The following GPT2 variants were observed in gnomAD, a reference collection of about 807,000 sequenced individuals.
GPT2 encodes the protein alanine aminotransferase 2.
A neutral mutation model predicts 56.9 loss-of-function variants in GPT2; 30 were observed. That is an observed-to-expected ratio of 0.53 (90% CI 0.39 to 0.72). The LOEUF is 0.72. GPT2 is among the 30% of genes least tolerant of loss of function. The pLI, the probability that GPT2 is intolerant of heterozygous loss-of-function variation, is 0.00. For synonymous variants in GPT2, 271 were observed against 283.1 expected, an observed-to-expected ratio of 0.96 and a Z score of 0.43; for missense variants, 542 against 703.4, an observed-to-expected ratio of 0.77 and a Z score of 2.60.
intron 2 of GPT2, among the ~76,000 whole-genome samples, chr16:46,887,774 G>A (rs1960512652): frequency 6.6e-6 from 1 of 152,144 alleles, no homozygotes; most frequent in African/African-American, 2.4e-5. Flanking sequence ...ATGTGGCTCT[G>A]GTGTTTGACT....
At chr16:46,906,597 T>A (rs1304769510) in intron 4 of GPT2, among the ~76,000 whole-genome samples, 1 of 151,478 alleles carries the variant, frequency 6.6e-6, no homozygotes, top group Non-Finnish European at 1.5e-5. Context: ...ACTGGGTGAG[T>A]GAGTGGATGA....
At chr16:46,900,041 A>C (rs1960786355) in intron 3 of GPT2, among the ~76,000 whole-genome samples, 1 of 152,210 alleles carries the variant, frequency 6.6e-6, no homozygotes, top group Non-Finnish European at 1.5e-5. Context: ...CTGGTGTCAG[A>C]GCCACAAGTC....
chr16:46,911,515 A>G (rs530875117), intron 6 of GPT2, among the ~76,000 whole-genome samples: 1 of 152,340 alleles, frequency 6.6e-6, no homozygotes, highest in South Asian at 2.1e-4. Flanking sequence ...CAGTAGGAAA[A>G]TAACATAGAG....
chr16:46,922,423 C>A lies in GPT2; in HGVS notation c.1212+7C>A, dbSNP rs762111947. On this transcript the variant is annotated splice_region_variant and intron_variant, in intron 9 of 11. Transcript: ENST00000340124. ...CTTTGAGCAATTCAGCCGAGTGAGTCCACTGTGATGCGTCTGCACCCCTGT... is the reference window on the plus strand; with the variant it reads ...CTTTGAGCAATTCAGCCGAGTGAGTACACTGTGATGCGTCTGCACCCCTGT... 1.2e-6 allele frequency: 2 copies of A among 1,603,644 alleles called. No individual in the cohort carries two copies. Among genetic ancestry groups the A allele is most frequent in the East Asian group, 2.2e-5 (1 of 44,618 alleles).
At chr16:46,919,123 T>G (rs983225996) in intron 8 of GPT2, among the ~76,000 whole-genome samples, 13 of 152,336 alleles carry the variant, frequency 8.5e-5, no homozygotes, top group Non-Finnish European at 1.9e-4. Context: ...GGCTGTGCTC[T>G]GGGTGCAGGG....
At chr16:46,907,517 C>G (rs370510485) in intron 5 of GPT2, among the ~76,000 whole-genome samples, 1 of 152,210 alleles carries the variant, frequency 6.6e-6, no homozygotes, top group African/African-American at 2.4e-5. Context: ...GAGGGACACA[C>G]AGGAGTGAAC....
At chr16:46,886,856 C>G (rs975109524) in intron 2 of GPT2, among the ~76,000 whole-genome samples, 1 of 152,138 alleles carries the variant, frequency 6.6e-6, no homozygotes, top group Admixed American at 6.6e-5. Flanking sequence ...GCTCCACACC[C>G]CCATATCCTA....
At chr16:46,902,476 C>T (rs938821804) in intron 4 of GPT2, among the ~76,000 whole-genome samples, 19 of 152,272 alleles carry the variant, frequency 1.2e-4, no homozygotes, top group South Asian at 4.1e-4. Context: ...ATAGTGGTGT[C>T]GCTCTCTGTC....
At chr16:46,904,169 C>T (rs1156942318) in intron 4 of GPT2, among the ~76,000 whole-genome samples, 3 of 152,176 alleles carry the variant, frequency 2.0e-5, no homozygotes, top group African/African-American at 7.2e-5. Flanking sequence ...GAGAAATGCA[C>T]AGAAGAAACG....
intron 6 of GPT2, 124 bp downstream of exon 6, chr16:46,910,051 T>C: frequency 7.6e-7 from 1 of 1,322,240 alleles, no homozygotes; most frequent in Non-Finnish European, 1.0e-6. Flanking sequence ...CCAGATTTGC[T>C]AACCTAAAGC....
At chr16:46,888,962 G>C (rs1960534088) in intron 2 of GPT2, among the ~76,000 whole-genome samples, 1 of 151,974 alleles carries the variant, frequency 6.6e-6, no homozygotes, top group Non-Finnish European at 1.5e-5. Flanking sequence ...TTTTTCCTTT[G>C]TAATTATTAT....
At chr16:46,885,224 C>T in intron 2 of GPT2, 2 of 1,225,094 alleles carry the variant, frequency 1.6e-6, no homozygotes, top group Non-Finnish European at 2.0e-6. Flanking sequence ...AGGCACCGCA[C>T]GTTGTGTGTC....
intron 2 of GPT2, among the ~76,000 whole-genome samples, chr16:46,896,167 C>T (rs1394715205): frequency 6.6e-6 from 1 of 152,210 alleles, no homozygotes; most frequent in East Asian, 1.9e-4. Flanking sequence ...GTAATCCTTT[C>T]AGCTGCCCTG....
chr16:46,908,994 G>C (rs751320180), intron 5 of GPT2, among the ~76,000 whole-genome samples: 2 of 152,122 alleles, frequency 1.3e-5, no homozygotes, highest in Admixed American at 6.5e-5. Context: ...CCATGGCCTG[G>C]TTTCTCAGAA....
rs942401962 is a variant in GPT2, at chr16:46,909,615, C to A, written c.577-69C>A. 4 of 1,561,660 alleles carry A rather than the reference C, an allele frequency of 2.6e-6. No individual in the cohort carries two copies. In the African/African-American group the frequency reaches 5.4e-5, roughly 21 times the overall value. On this transcript the variant is annotated intron_variant, in intron 5 of 11. Coordinates refer to ENST00000340124, the MANE Select transcript of GPT2 (RefSeq NM_133443.4). ...TTGGACTGGAGGCATGCAGTGGGGCCACGGGTGAAAGGCTAGGTCAGGGAT... is the reference window on the plus strand; with the variant it reads ...TTGGACTGGAGGCATGCAGTGGGGCAACGGGTGAAAGGCTAGGTCAGGGAT...
In GPT2 at chr16:46,884,889, G is replaced by A. The variant is rs1429944338; in HGVS notation, c.174G>A (p.Lys58=). The change falls in exon 2 of 12, where the codon AAG becomes AAA. Residue 58 remains lysine (K), a synonymous_variant. Transcript: ENST00000340124. ...LTLESMNPQV[K]AVEYAVRGPI... ...TGGAGTCCATGAACCCGCAGGTGAA[G>A]GCGGTGGAGTACGCCGTGCGGGGAC... is the stretch of plus-strand genomic sequence containing the variant. 3 of 1,544,562 alleles carry A rather than the reference G, an allele frequency of 1.9e-6. No individual in the cohort carries two copies. Among genetic ancestry groups the A allele is most frequent in the Non-Finnish European group, 2.6e-6 (3 of 1,145,106 alleles).
chr16:46,900,874 A>G (rs1161782791), intron 4 of GPT2, 84 bp downstream of exon 4: 6 of 1,084,904 alleles, frequency 5.5e-6, no homozygotes, highest in Admixed American at 1.9e-5. Context: ...AGGGTCCTGC[A>G]TGCGAATGGG....
chr16:46,885,531 A>G (rs1960466725), intron 2 of GPT2: 17 of 984,946 alleles, frequency 1.7e-5, no homozygotes, highest in Non-Finnish European at 2.0e-5. Context: ...GCCCCTCTGG[A>G]GCCTTGGCCG....
Position 46,907,114 on chromosome 16 carries a change from C to T in GPT2, c.576+139C>T, listed in dbSNP as rs572447114. 5 of 1,082,538 alleles carry T rather than the reference C, an allele frequency of 4.6e-6. No homozygotes were observed. The South Asian group carries it at 7.3e-5, about 16-fold the overall frequency. 67.1% of individuals were successfully genotyped at this position (1,082,538 alleles called of 1,614,324 possible). On this transcript the variant is annotated intron_variant, in intron 5 of 11. Transcript: ENST00000340124. ...CCACCCTCTGGTCCCCCAGCCCTGG[C>T]AGCCTGCAGTCTTTGCCTCTTTTAG...
Sources: gnomAD v4.1 joint callset for allele counts (sites outside exome capture counted in the v4.1 genomes callset) on GRCh38, gnomAD v4.1.1 for gene constraint, MANE v1.5 for transcripts, NCBI Gene and HGNC (gene_info 2026-07-23, HGNC 2026-07-21) for gene names.